The following NEGR1 variants were observed in gnomAD, a reference collection of about 807,000 sequenced individuals.
NEGR1 encodes the protein neuronal growth regulator 1, also known as IgLON family member 4.
A neutral mutation model predicts 40.9 loss-of-function variants in NEGR1; 10 were observed. The observed-to-expected ratio is 0.24, with a 90% CI of 0.15 to 0.42. The LOEUF (loss-of-function observed/expected upper bound fraction) is 0.42, where lower values mean the gene tolerates loss of function less well. Among genes scored for constraint, NEGR1 ranks in the 10% least tolerant of loss-of-function variants. The pLI, the probability that NEGR1 is intolerant of heterozygous loss-of-function variation, is 1.00. For synonymous variants in NEGR1, 185 were observed against 166.8 expected (o/e 1.11, Z -0.84); for missense variants, 352 against 438.9 (o/e 0.80, Z 1.77).
At chr1:71,539,301 T>C (rs1295921445) in intron 6 of NEGR1, among the ~76,000 whole-genome samples, 3 of 151,752 alleles carry the variant, frequency 2.0e-5, no homozygotes, top group Non-Finnish European at 4.4e-5. Flanking sequence ...TAAGTGACTA[T>C]CATATAATTC....
intron 2 of NEGR1, among the ~76,000 whole-genome samples, chr1:71,884,346 A>AC (rs762550644): frequency 6.6e-6 from 1 of 151,944 alleles, no homozygotes; most frequent in Non-Finnish European, 1.5e-5. Flanking sequence ...ACTAGACCAT[A>AC]CCCCCATCCA....
At chr1:71,546,613 T>C (rs1647903336) in intron 6 of NEGR1, among the ~76,000 whole-genome samples, 1 of 151,630 alleles carries the variant, frequency 6.6e-6, no homozygotes, top group Non-Finnish European at 1.5e-5. Context: ...AAGTTGGCAG[T>C]ACTATTACTA....
intron 1 of NEGR1, among the ~76,000 whole-genome samples, chr1:72,042,005 A>T (rs1480416420): frequency 6.8e-6 from 1 of 146,176 alleles, no homozygotes; most frequent in African/African-American, 2.5e-5. Context: ...CAAATATATA[A>T]TATACATTTG....
intron 6 of NEGR1, among the ~76,000 whole-genome samples, chr1:71,553,407 G>T (rs1263230981): frequency 6.6e-6 from 1 of 151,452 alleles, no homozygotes; most frequent in African/African-American, 2.4e-5. Flanking sequence ...TTCCTTGGTA[G>T]TTATTTAAAG....
At chr1:71,855,114 G>A (rs1417212790) in intron 2 of NEGR1, among the ~76,000 whole-genome samples, 18 of 151,988 alleles carry the variant, frequency 1.2e-4, no homozygotes, top group Admixed American at 1.2e-3. Flanking sequence ...ACAGTATCAC[G>A]TTTAGGCATG....
intron 6 of NEGR1, among the ~76,000 whole-genome samples, chr1:71,543,302 A>G (rs1647776513): frequency 6.6e-6 from 1 of 151,730 alleles, no homozygotes; most frequent in Admixed American, 6.6e-5. Flanking sequence ...AGTAGTAGTC[A>G]CACACCCCAA....
intron 1 of NEGR1, among the ~76,000 whole-genome samples, chr1:72,087,648 A>T (rs2100538519): frequency 6.6e-6 from 1 of 151,324 alleles, no homozygotes; most frequent in African/African-American, 2.4e-5. Context: ...CTGAGACAAG[A>T]TCCCCCTGTG....
chr1:71,960,964 A>T (rs544656079), intron 1 of NEGR1, among the ~76,000 whole-genome samples: 38 of 152,270 alleles, frequency 2.5e-4, no homozygotes, highest in African/African-American at 9.1e-4. Context: ...ATTTAGTATA[A>T]TATTAACTCT....
chr1:71,946,806 T>C (rs1646023716), intron 1 of NEGR1, among the ~76,000 whole-genome samples: 1 of 152,042 alleles, frequency 6.6e-6, no homozygotes, highest in African/African-American at 2.4e-5. Flanking sequence ...TTTATATTTA[T>C]ATATGTATCC....
chr1:72,268,700 T>G (rs1655737434), intron 1 of NEGR1, among the ~76,000 whole-genome samples: 1 of 151,526 alleles, frequency 6.6e-6, no homozygotes, highest in Non-Finnish European at 1.5e-5. Flanking sequence ...ATTCTAGAAT[T>G]TAGTAAACAT....
intron 6 of NEGR1, chr1:71,468,806 G>T (rs1313414325): frequency 6.6e-6 from 1 of 151,806 alleles, no homozygotes; most frequent in Non-Finnish European, 1.5e-5. Flanking sequence ...AATTTCCATT[G>T]GCCTGTATAT....
intron 3 of NEGR1, among the ~76,000 whole-genome samples, chr1:71,757,368 A>G (rs1364953895): frequency 6.6e-6 from 1 of 152,094 alleles, no homozygotes; most frequent in Non-Finnish European, 1.5e-5. Context: ...GCCAAAATTA[A>G]TAATAATAAG....
intron 6 of NEGR1, among the ~76,000 whole-genome samples, chr1:71,441,782 T>C (rs866773354): frequency 5.9e-5 from 9 of 152,194 alleles, no homozygotes; most frequent in Non-Finnish European, 1.2e-4. Flanking sequence ...AGTGGTTTCA[T>C]GCATTGTTAG....
chr1:71,522,663 C>G (rs1041955811), intron 6 of NEGR1, among the ~76,000 whole-genome samples: 2 of 151,102 alleles, frequency 1.3e-5, no homozygotes, highest in Non-Finnish European at 3.0e-5. Context: ...GCCTAGTCAG[C>G]TTGCCCTCAT....
intron 3 of NEGR1, among the ~76,000 whole-genome samples, chr1:71,717,909 GGA>G (rs1654332115): frequency 6.6e-6 from 1 of 152,140 alleles, no homozygotes; most frequent in South Asian, 2.1e-4. Flanking sequence ...TACAAGTCAA[GGA>G]GAGAGACCTG....
At chr1:71,831,419 C>T (rs1007339115) in intron 2 of NEGR1, among the ~76,000 whole-genome samples, 3 of 151,930 alleles carry the variant, frequency 2.0e-5, no homozygotes, top group Non-Finnish European at 4.4e-5. Context: ...CTCATCTTTA[C>T]ATACACAATG....
intron 1 of NEGR1, among the ~76,000 whole-genome samples, chr1:72,175,282 A>C (rs1304508224): frequency 1.3e-5 from 2 of 152,158 alleles, no homozygotes. Context: ...GATAGTTTAT[A>C]AGTGGATTCA....
Position 71,785,691 on chromosome 1 carries a change from A to G in NEGR1, c.410-9394T>C, listed in dbSNP as rs528916152. On this transcript the variant is annotated intron_variant, in intron 2 of 6. Transcript: ENST00000357731. ...TCCTTGGCAGTGAACTATTTTCCCT[A>G]TAAACCAGAGGAAACAGCCCAGCTG... Among the ~76,000 whole-genome samples the G allele has an allele frequency of 2.0e-3, 300 of 152,306 alleles. 1 individual carries two copies. The highest frequency in any genetic ancestry group is 7.0e-3 in the African/African-American group (290 of 41,570).
chr1:71,564,549 C>T lies in NEGR1; in HGVS notation c.940+28268G>A, dbSNP rs552808980. 8.5e-5 allele frequency among the ~76,000 whole-genome samples: 13 copies of T among 152,154 alleles called. No homozygotes were observed. The South Asian group carries it at 2.5e-3, about 29-fold the overall frequency. On this transcript the variant is annotated intron_variant, in intron 6 of 6. Transcript: ENST00000357731. ...GTACTTCCTTTACTCATATTTCCTC[C>T]CTGTCTCAATCTTCTCTCTTAGTGT...
Sources: allele counts gnomAD v4.1 joint callset (sites outside exome capture counted in the v4.1 genomes callset), GRCh38; gene constraint gnomAD v4.1.1; transcripts MANE v1.5; gene names NCBI Gene and HGNC (gene_info 2026-07-23, HGNC 2026-07-21).